GFAP: variants seen among roughly 807,000 people sequenced by gnomAD.
GFAP encodes the protein glial fibrillary acidic protein.
GFAP carries 38 observed loss-of-function variants against 49.3 expected under a neutral mutation model. The ratio of observed to expected loss-of-function variants is 0.77; its 90% CI spans 0.60 to 1.01. The LOEUF (loss-of-function observed/expected upper bound fraction) is 1.01. Ranked by LOEUF, GFAP falls within the 50% of genes least tolerant of loss-of-function variation. The pLI, the probability that GFAP is intolerant of heterozygous loss-of-function variation, is 0.00. For synonymous variants in GFAP, 222 were observed against 236.4 expected (o/e 0.94, Z 0.56); for missense variants, 463 against 579.1 (o/e 0.80, Z 2.06).
rs1264015031 is a variant in GFAP, at chr17:44,903,592, T to G, written c.*3755A>C. On this transcript the variant is annotated 3_prime_UTR_variant, in exon 9 of 9. Transcript: ENST00000588735. ...GGGGAGTAAAGGCCAGGTTCTAGAA[T>G]GGCTTTCCCCCCCCACCCTGAGATC... 24 of 1,404,378 alleles carry G rather than the reference T, an allele frequency of 1.7e-5. No individual in the cohort carries two copies. The highest frequency in any genetic ancestry group is 2.2e-5 in the Non-Finnish European group (24 of 1,086,414). The allele number at this position is 1,404,378 out of a possible 1,614,324, so 87.0% of individuals were successfully genotyped here. A position where few individuals can be genotyped will look rare whatever the true frequency, so the allele number is the denominator to read the frequency against.
rs139838162 is a variant in GFAP, at chr17:44,915,174, G to T, written c.313C>A (p.Arg105=). 9.9e-6 allele frequency: 16 copies of T among 1,614,196 alleles called. No individual in the cohort carries two copies. The highest frequency in any genetic ancestry group is 2.2e-5 in the East Asian group (1 of 44,880). ...GCCAGCTTGGTGGGCTCCTTGGCCCGCAGCTGGTTCAGCTCAGCAGCCAGC... is the reference window on the plus strand; with the variant it reads ...GCCAGCTTGGTGGGCTCCTTGGCCCTCAGCTGGTTCAGCTCAGCAGCCAGC... ...KALAAELNQL[R]AKEPTKLADV... is the part of the protein sequence containing the mutation. Residue 105 remains arginine (R), a synonymous_variant, in exon 1 of 9, where the codon CGG becomes AGG. Transcript: ENST00000588735. This position sits in a 1 kb window ranked among gnomAD's most constrained non-coding sequence, Gnocchi z 4.1.
chr17:44,907,214 A>AG lies in GFAP; in HGVS notation c.*132dup, dbSNP rs1228004562. 1 of 822,766 alleles carries AG rather than the reference A, an allele frequency of 1.2e-6. No homozygotes were observed. The highest frequency in any genetic ancestry group is 1.7e-5 in the African/African-American group (1 of 59,248). The allele number at this position is 822,766 out of a possible 1,614,324, so 51.0% of individuals were successfully genotyped here. The stretch of plus-strand genomic sequence containing the variant: ...GGGCAGCAAGCTGACCTAGGGACAG[A>AG]GGAGGGAGGGGAGCAGCTGGGGTGG... On this transcript the variant is annotated 3_prime_UTR_variant, in exon 9 of 9. Transcript: ENST00000588735.
In GFAP at chr17:44,910,604, G is replaced by T; in HGVS notation, c.1171+11C>A. The T allele has an allele frequency of 6.4e-7, 1 of 1,572,080 alleles. No homozygotes were observed. The highest frequency in any genetic ancestry group is 1.9e-5 in the Admixed American group (1 of 52,306). ...TCCAGTGCCCTTCCCACGAGGCCCTGCTGTACTGACCTCGAATCTGCAGGT... is the reference window on the plus strand; with the variant it reads ...TCCAGTGCCCTTCCCACGAGGCCCTTCTGTACTGACCTCGAATCTGCAGGT... On this transcript the variant is annotated intron_variant, in intron 7 of 8. Transcript: ENST00000588735.
rs2051762147 is a variant in GFAP at position 44,911,422 on chromosome 17, TC to T, written c.940del (p.Glu314ArgfsTer57). ...GGCCGCCTCCCGCACGTGCCGCTCC[TC>T]CTGCTCGCGCATCTGCCTCTCCAGG... is the stretch of plus-strand genomic sequence containing the variant. Reference protein sequence around the residue: ...ESLERQMREQEERHVREAASY... With the variant: ...ESLERQMREQXERHVREAASY... On this transcript the variant is annotated frameshift_variant, in exon 6 of 9. Coordinates refer to ENST00000588735, the MANE Select transcript of GFAP (RefSeq NM_002055.5). LOFTEE classifies it high-confidence loss of function. 5 of 1,611,970 alleles carry T rather than the reference TC, an allele frequency of 3.1e-6. No homozygotes were observed. Among genetic ancestry groups the T allele is most frequent in the Non-Finnish European group, 4.2e-6 (5 of 1,179,184 alleles).
chr17:44,907,517 C>T (rs2051672011), intron 8 of GFAP, 129 bp from the exon 9 acceptor site: 2 of 730,872 alleles, frequency 2.7e-6, no homozygotes, highest in Non-Finnish European at 5.0e-6. Context: ...TTGATAGTAA[C>T]CACAGCTGCC....
At chr17:44,911,517 C>A in intron 5 of GFAP, 61 bp from the exon 6 acceptor site, 5 of 1,542,102 alleles carry the variant, frequency 3.2e-6, no homozygotes, top group Non-Finnish European at 3.5e-6. Flanking sequence ...GGTTTCGAGG[C>A]CCGGCCCCCG....
At chr17:44,912,032 C>A (rs2051784501) in intron 4 of GFAP, among the ~76,000 whole-genome samples, 1 of 152,240 alleles carries the variant, frequency 6.6e-6, no homozygotes, top group African/African-American at 2.4e-5. Context: ...GAATCCAGAA[C>A]CTTCCACACT....
In GFAP at chr17:44,915,223, G is replaced by A. The variant is rs2051881992; in HGVS notation, c.264C>T (p.Arg88=). ...DRFASYIEKV[R]FLEQQNKALA... ...GCGCCTTGTTTTGCTGTTCCAGGAA[G>A]CGAACCTTCTCGATGTAGCTGGCAA... The change falls in exon 1 of 9, where the codon CGC becomes CGT. Residue 88 remains arginine (R), a synonymous_variant. Coordinates refer to ENST00000588735, the MANE Select transcript of GFAP (RefSeq NM_002055.5). The surrounding 1 kb of genome is among the most constrained non-coding windows in gnomAD (Gnocchi z 4.1). 1 of 1,614,230 alleles carries A rather than the reference G, an allele frequency of 6.2e-7. No homozygotes were observed. The highest frequency in any genetic ancestry group is 1.1e-5 in the South Asian group (1 of 91,088).
Position 44,907,228 on chromosome 17 carries a change from C to T in GFAP, c.*119G>A. On this transcript the variant is annotated 3_prime_UTR_variant, in exon 9 of 9. Coordinates refer to ENST00000588735, the MANE Select transcript of GFAP (RefSeq NM_002055.5). Reference sequence around the variant, plus strand: ...CCTAGGGACAGAGGAGGGAGGGGAGCAGCTGGGGTGGTGGGGAGCTCAGGT... The same window carrying T: ...CCTAGGGACAGAGGAGGGAGGGGAGTAGCTGGGGTGGTGGGGAGCTCAGGT... 1.1e-6 allele frequency: 1 copy of T among 913,680 alleles called. No individual in the cohort carries two copies. The highest frequency in any genetic ancestry group is 1.4e-5 in the South Asian group (1 of 74,006). 56.6% of individuals were successfully genotyped at this position (913,680 alleles called of 1,614,324 possible).
chr17:44,913,783 C>A lies in GFAP; in HGVS notation c.563G>T (p.Arg188Met). ...CTCCTCCTCCAGCGACTCAATCTTC[C>A]TCTCCAGATCCAGACGGGCCAGGGT... ...EATLARLDLERKIESLEEEIR... is the reference protein window; with the variant it reads ...EATLARLDLEMKIESLEEEIR... The change falls in exon 3 of 9, where the codon AGG (arginine) becomes ATG (methionine). Residue 188 changes from arginine to methionine, a missense_variant. By Grantham distance (91) the Arg-to-Met change is moderately conservative. Around this residue, in one of 3 missense-constraint regions of GFAP, gnomAD observed 362 missense variants for 445.5 expected, o/e 0.81. Transcript: ENST00000588735. The A allele has an allele frequency of 1.2e-6, 2 of 1,614,240 alleles. No individual in the cohort carries two copies. The highest frequency in any genetic ancestry group is 1.7e-6 in the Non-Finnish European group (2 of 1,180,030).
chr17:44,908,898 AAAGGAAGG>A (rs200398557), intron 7 of GFAP: 271 of 150,662 alleles, frequency 1.8e-3, no homozygotes, highest in Non-Finnish European at 2.8e-3. Flanking sequence ...CAGGAAAGAG[AAAGGAAGG>A]AAGGAAGGAA....
chr17:44,908,937 GAA>G (rs1389620849), intron 7 of GFAP: 1 of 144,144 alleles, frequency 6.9e-6, no homozygotes, highest in South Asian at 2.2e-4. Context: ...AAGAAAGAAA[GAA>G]AGAAAAAGAA....
rs1312188227 is a variant in GFAP, at chr17:44,908,130, C to T, written c.1191G>A (p.Lys397=). The change falls in exon 8 of 9, where the codon AAG becomes AAA. Residue 397 remains lysine, a synonymous_variant. Transcript: ENST00000588735. ...LQIRETSLDT[K]SVSEGHLKRN... Reference sequence around the variant, plus strand: ...TCTTGAGGTGGCCTTCTGACACAGACTTGGTGTCCAGGCTGGTTTCTGCAG... The same window carrying T: ...TCTTGAGGTGGCCTTCTGACACAGATTTGGTGTCCAGGCTGGTTTCTGCAG... 2.5e-6 allele frequency: 4 copies of T among 1,609,224 alleles called. No individual in the cohort carries two copies. The highest frequency in any genetic ancestry group is 1.1e-5 in the South Asian group (1 of 91,006).
chr17:44,913,547 G>A, intron 3 of GFAP, 117 bp from the exon 4 acceptor site: 1 of 1,139,300 alleles, frequency 8.8e-7, no homozygotes, highest in Non-Finnish European at 1.3e-6. Context: ...ATGCTCTCTT[G>A]TCTCTTTCCG....
chr17:44,913,065 G>A lies in GFAP; in HGVS notation c.780+204C>T, dbSNP rs561489955. ...ACAGTATCAGCTACTACTAATAATA[G>A]CAATAGTAGCAGTAATAATAATGGG... is the stretch of plus-strand genomic sequence containing the variant. On this transcript the variant is annotated intron_variant, in intron 4 of 8. Transcript: ENST00000588735. 5.1e-5 allele frequency: 32 copies of A among 633,286 alleles called. No homozygotes were observed. In the South Asian group the frequency reaches 5.1e-4, roughly 10 times the overall value. The allele number at this position is 633,286 out of a possible 1,614,324, so 39.2% of individuals were successfully genotyped here.
Position 44,915,436 on chromosome 17 carries a change from T to A in GFAP, c.51A>T (p.Ser17=), listed in dbSNP as rs562649344. ...CCAGGCCCCCCACCATCATCTCCCC[T>A]GAGGAGACGTAGGAGCGGCGAGCAG... ...TSAARRSYVS[S]GEMMVGGLAP... The change falls in exon 1 of 9, where the codon TCA becomes TCT. Residue 17 remains serine, a synonymous_variant. Transcript: ENST00000588735. This position sits in a 1 kb window ranked among gnomAD's most constrained non-coding sequence, Gnocchi z 4.1. 59 of 1,609,656 alleles carry A rather than the reference T, an allele frequency of 3.7e-5. No individual in the cohort carries two copies. The South Asian group carries it at 5.4e-4, about 15-fold the overall frequency.
At position 44,907,520 on chromosome 17, in the gene GFAP, C is replaced by G. The variant is rs2051672055; in HGVS notation, c.1258-132G>C. 3.3e-5 allele frequency: 24 copies of G among 728,660 alleles called. No individual in the cohort carries two copies. In the South Asian group the frequency reaches 3.4e-4, roughly 10 times the overall value. 45.1% of individuals were successfully genotyped at this position (728,660 alleles called of 1,614,324 possible). A position where few individuals can be genotyped will look rare whatever the true frequency, so the allele number is the denominator to read the frequency against. The stretch of plus-strand genomic sequence containing the variant: ...GTCTTACTTTTCTTGATAGTAACCA[C>G]AGCTGCCTTGCGTGGTGGACAGAGG... On this transcript the variant is annotated intron_variant, in intron 8 of 8. Transcript: ENST00000588735.
At position 44,907,183 on chromosome 17, in the gene GFAP, A is replaced by G. The variant is rs2051665246; in HGVS notation, c.*164T>C. 4.4e-6 allele frequency: 3 copies of G among 688,420 alleles called. No homozygotes were observed. Among genetic ancestry groups the G allele is most frequent in the Non-Finnish European group, 7.9e-6 (3 of 378,624 alleles). The allele number at this position is 688,420 out of a possible 1,614,324, so 42.6% of individuals were successfully genotyped here. On this transcript the variant is annotated 3_prime_UTR_variant, in exon 9 of 9. Coordinates refer to ENST00000588735, the MANE Select transcript of GFAP (RefSeq NM_002055.5). ...CGTCTGGCAGGCCTGATACTGACGG[A>G]GCCTAGGGCAGCAAGCTGACCTAGG...
chr17:44,914,821 G>T (rs1485289990), intron 1 of GFAP: 7 of 598,438 alleles, frequency 1.2e-5, no homozygotes, highest in Non-Finnish European at 2.1e-5. Flanking sequence ...CTGGCAGAAG[G>T]CATGCGGGCA....
Sources: gnomAD v4.1 joint callset for allele counts (sites outside exome capture counted in the v4.1 genomes callset) on GRCh38, gnomAD v4.1.1 for gene constraint, gnomAD v4.1.1 regional missense constraint, Gnocchi (gnomAD v3.1) non-coding constraint, MANE v1.5 for transcripts, NCBI Gene and HGNC (gene_info 2026-07-23, HGNC 2026-07-21) for gene names.